Variants in KANK1 observed in about 807,000 individuals in gnomAD.
KANK1 encodes the protein KN motif and ankyrin repeat domain-containing protein 1.
A neutral mutation model predicts 106.2 loss-of-function variants in KANK1; 109 were observed. The ratio of observed to expected loss-of-function variants is 1.03; its 90% CI spans 0.88 to 1.20. The LOEUF (loss-of-function observed/expected upper bound fraction) is 1.20. KANK1 is among the 50% of genes most tolerant of loss of function. KANK1 has a pLI of 0.00. For missense variants in KANK1, 2,399 were observed against 1,710.7 expected (o/e 1.40, Z -7.10); for synonymous variants, 873 against 652.2 (o/e 1.34, Z -5.16).
chr9:650,800 A>T (rs1243090613), intron 1 of KANK1, among the ~76,000 whole-genome samples: 1 of 152,218 alleles, frequency 6.6e-6, no homozygotes, highest in African/African-American at 2.4e-5. Flanking sequence ...TGAATAAAGA[A>T]ATGTTGCAGT....
intron 1 of KANK1, among the ~76,000 whole-genome samples, chr9:599,246 G>A (rs765335428): frequency 1.3e-5 from 2 of 151,282 alleles, no homozygotes; most frequent in African/African-American, 4.9e-5. Flanking sequence ...TTGAACTCCT[G>A]ACCTCAGGTG....
chr9:527,387 C>T lies in KANK1; in HGVS notation c.-84+22633C>T, dbSNP rs368411422. 9.2e-5 allele frequency among the ~76,000 whole-genome samples: 14 copies of T among 151,654 alleles called. 1 individual carries two copies. Among genetic ancestry groups the T allele is most frequent in the African/African-American group, 2.9e-4 (12 of 40,976 alleles). Reference sequence around the variant, plus strand: ...CGCGATCTTGGCTCGCGGCAGCCTACGCCACCCAGTTTGAAGTGATTCTCC... The same window carrying T: ...CGCGATCTTGGCTCGCGGCAGCCTATGCCACCCAGTTTGAAGTGATTCTCC... On this transcript the variant is annotated intron_variant, in intron 1 of 11. Transcript: ENST00000382297.
chr9:505,018 G>C (rs1043835016), intron 1 of KANK1, among the ~76,000 whole-genome samples: 1 of 151,652 alleles, frequency 6.6e-6, no homozygotes, highest in East Asian at 1.9e-4. Context: ...GGCGCGCTCT[G>C]CAGCGGCGGC....
chr9:565,468 C>T (rs577729576), intron 1 of KANK1, among the ~76,000 whole-genome samples: 6 of 152,280 alleles, frequency 3.9e-5, no homozygotes, highest in South Asian at 2.1e-4. Context: ...GTTTAATTGA[C>T]GAAGAGGTGG....
At chr9:627,871 G>A (rs10815367) in intron 1 of KANK1, among the ~76,000 whole-genome samples, 23,470 of 152,096 alleles carry the variant, frequency 0.15, 1,990 homozygotes, top group Admixed American at 0.18. Context: ...CCAGATGCTG[G>A]CAGTATTTAT....
intron 1 of KANK1, among the ~76,000 whole-genome samples, chr9:639,402 C>T (rs1196611969): frequency 6.6e-6 from 1 of 152,080 alleles, no homozygotes; most frequent in Non-Finnish European, 1.5e-5. Flanking sequence ...CTGCAACCTC[C>T]TCCTCCCTGG....
At chr9:541,678 A>C (rs2133846225) in intron 1 of KANK1, among the ~76,000 whole-genome samples, 1 of 152,346 alleles carries the variant, frequency 6.6e-6, no homozygotes, top group Middle Eastern at 3.4e-3. Context: ...TAGAATGAAG[A>C]GATGGCCTGT....
At chr9:479,761 A>C (rs2058170255) in intron 3 of KANK1, among the ~76,000 whole-genome samples, 1 of 152,236 alleles carries the variant, frequency 6.6e-6, no homozygotes, top group Admixed American at 6.5e-5. Flanking sequence ...CTGTCATCTC[A>C]GAATGCCCAC....
intron 3 of KANK1, chr9:495,596 C>G (rs1271186731): frequency 6.6e-6 from 1 of 152,046 alleles, no homozygotes; most frequent in Admixed American, 6.6e-5. Context: ...TTGAATATAA[C>G]TAACTCTAAA....
In KANK1 at chr9:745,492, G is replaced by T; in HGVS notation, c.*257G>T. On this transcript the variant is annotated 3_prime_UTR_variant, in exon 12 of 12. Transcript: ENST00000382297. The stretch of plus-strand genomic sequence containing the variant: ...TGCTGTTGAGTCTCTGCTCCGTTTT[G>T]TACAGTCACAGGGAATTCTGATCTG... 1 of 374,836 alleles carries T rather than the reference G, an allele frequency of 2.7e-6. No homozygotes were observed. Among genetic ancestry groups the T allele is most frequent in the Non-Finnish European group, 4.8e-6 (1 of 206,308 alleles). The allele number at this position is 374,836 out of a possible 1,614,324, so 23.2% of individuals were successfully genotyped here.
At chr9:616,800 C>T (rs539756250) in intron 1 of KANK1, among the ~76,000 whole-genome samples, 6 of 152,272 alleles carry the variant, frequency 3.9e-5, no homozygotes, top group East Asian at 3.9e-4. Context: ...CGCTGCTGTT[C>T]TTTATAGCAG....
chr9:729,922 G>A (rs1831741599), intron 3 of KANK1, 129 bp from the exon 4 acceptor site: 2 of 762,020 alleles, frequency 2.6e-6, no homozygotes. Flanking sequence ...AGCGTCAAAG[G>A]GGCTTCTGAG....
intron 2 of KANK1, among the ~76,000 whole-genome samples, chr9:705,519 A>T (rs896749699): frequency 6.6e-6 from 1 of 151,846 alleles, no homozygotes; most frequent in Admixed American, 6.6e-5. Flanking sequence ...GTTGTCAGAC[A>T]TCTCCTTTCT....
intron 2 of KANK1, among the ~76,000 whole-genome samples, chr9:692,183 A>G (rs1305141472): frequency 6.6e-6 from 1 of 152,204 alleles, no homozygotes; most frequent in Admixed American, 6.5e-5. Flanking sequence ...GTGCCTGCAC[A>G]TGCCCTGCCT....
rs1175822024 is a variant in KANK1 at position 608,031 on chromosome 9, A to ATTTTTT, written c.-83-68857_-83-68856insTTTTTT. On this transcript the variant is annotated intron_variant, in intron 1 of 11. Coordinates refer to ENST00000382297, the MANE Select transcript of KANK1 (RefSeq NM_015158.5). ...TTTCAGAATTATTATTATTATTATT[A>ATTTTTT]TTATTTTTTTTTTTTTTGAGACGGA... Among the ~76,000 whole-genome samples, 676 of 87,922 alleles carry ATTTTTT rather than the reference A, an allele frequency of 7.7e-3. 20 individuals are homozygous for ATTTTTT. The highest frequency in any genetic ancestry group is 0.026 in the African/African-American group (618 of 23,754). 57.7% of individuals were successfully genotyped at this position (87,922 alleles called of 152,430 possible). A position where few individuals can be genotyped will look rare whatever the true frequency, so the allele number is the denominator to read the frequency against.
intron 2 of KANK1, among the ~76,000 whole-genome samples, chr9:697,370 A>G (rs1309794579): frequency 6.6e-6 from 1 of 151,852 alleles, no homozygotes; most frequent in Non-Finnish European, 1.5e-5. Flanking sequence ...TCATAGAGTC[A>G]CCATTTTTTT....
At chr9:471,410 G>A (rs41313444) in intron 2 of KANK1, 2 of 152,344 alleles carry the variant, frequency 1.3e-5, no homozygotes, top group Non-Finnish European at 2.9e-5. Context: ...GAGGAGAGAG[G>A]TCAAGAGATG....
At chr9:595,433 CAG>C (rs1825973696) in intron 1 of KANK1, among the ~76,000 whole-genome samples, 1 of 151,890 alleles carries the variant, frequency 6.6e-6, no homozygotes, top group South Asian at 2.1e-4. Context: ...GCGTTGCAAT[CAG>C]AACAAGAACC....
At chr9:654,814 T>TGAGAGA (rs57089042) in intron 1 of KANK1, among the ~76,000 whole-genome samples, 14 of 80,414 alleles carry the variant, frequency 1.7e-4, no homozygotes, top group South Asian at 5.7e-4. Flanking sequence ...TGTGTGTGTG[T>TGAGAGA]GAGAGAGAGA....
Sources: allele counts gnomAD v4.1 joint callset (sites outside exome capture counted in the v4.1 genomes callset), GRCh38; gene constraint gnomAD v4.1.1; transcripts MANE v1.5; gene names NCBI Gene and HGNC (gene_info 2026-07-23, HGNC 2026-07-21).